The following MAPT variants were observed in gnomAD, a reference collection of about 807,000 sequenced individuals.
MAPT encodes the protein microtubule-associated protein tau.
MAPT carries 34 observed loss-of-function variants against 67.9 expected under a neutral mutation model. The ratio of observed to expected loss-of-function variants is 0.50; its 90% CI spans 0.38 to 0.67. The LOEUF (loss-of-function observed/expected upper bound fraction) is 0.67. Ranked by LOEUF, MAPT falls within the 30% of genes least tolerant of loss-of-function variation. The pLI, the probability that MAPT is intolerant of heterozygous loss-of-function variation, is 0.00. For missense variants in MAPT, 881 were observed against 1,115.2 expected (o/e 0.79, Z 2.99); for synonymous variants, 456 against 464.5 (o/e 0.98, Z 0.23).
chr17:46,009,360 T>TTGCAGGGACAG (rs1415176190), intron 9 of MAPT, among the ~76,000 whole-genome samples: 3 of 121,318 alleles, frequency 2.5e-5, no homozygotes, highest in Admixed American at 8.7e-5. Context: ...TTCTATTTCA[T>TTGCAGGGACAG]AGTTCTTAGG....
rs561624733 is a variant in MAPT at position 45,943,085 on chromosome 17, ACT to A, written c.-17-19233_-17-19232del. Among the ~76,000 whole-genome samples, 552 of 152,078 alleles carry A rather than the reference ACT, an allele frequency of 3.6e-3. 2 individuals are homozygous for A. Among genetic ancestry groups the A allele is most frequent in the African/African-American group, 0.013 (534 of 41,488 alleles). On this transcript the variant is annotated intron_variant, in intron 1 of 12. Coordinates refer to ENST00000262410, the MANE Select transcript of MAPT (RefSeq NM_001377265.1). ...TTCTCTTTTTTTGAGACAGAATCTC[ACT>A]CTGTCACCCTGGCTGGAGTGCAGTG...
In MAPT at chr17:45,965,934, C is replaced by T. The variant is rs186572934; in HGVS notation, c.133+3464C>T. 5.3e-5 allele frequency among the ~76,000 whole-genome samples: 8 copies of T among 152,302 alleles called. No individual in the cohort carries two copies. The East Asian group carries it at 1.5e-3, about 29-fold the overall frequency. On this transcript the variant is annotated intron_variant, in intron 2 of 12. Coordinates refer to ENST00000262410, the MANE Select transcript of MAPT (RefSeq NM_001377265.1). ...ATGACAAAGGAGCCTCATGCTCAGA[C>T]CGTGGGCTGCCAGAGCAGGTCCATG...
At chr17:46,009,074 C>T (rs1416071418) in intron 9 of MAPT, among the ~76,000 whole-genome samples, 1 of 152,162 alleles carries the variant, frequency 6.6e-6, no homozygotes, top group Non-Finnish European at 1.5e-5. Flanking sequence ...TGGCATGTGC[C>T]TGTGGTCCCA....
rs886053034 is a variant in MAPT at position 46,024,695 on chromosome 17, G to A, written c.*524G>A. ...AGTGTGACGGGGGTTGGGGTGGGGC[G>A]GGAGGCCACGGGGGAGGCCGAGGCA... is the stretch of plus-strand genomic sequence containing the variant. On this transcript the variant is annotated 3_prime_UTR_variant, in exon 13 of 13. Coordinates refer to ENST00000262410, the MANE Select transcript of MAPT (RefSeq NM_001377265.1). 4.0e-5 allele frequency: 8 copies of A among 201,818 alleles called. No homozygotes were observed. Among genetic ancestry groups the A allele is most frequent in the South Asian group, 8.3e-5 (1 of 12,028 alleles). The allele number at this position is 201,818 out of a possible 1,614,324, so 12.5% of individuals were successfully genotyped here.
intron 9 of MAPT, among the ~76,000 whole-genome samples, chr17:46,004,112 G>A (rs138617620): frequency 2.0e-5 from 3 of 152,314 alleles, no homozygotes; most frequent in African/African-American, 7.2e-5. Flanking sequence ...AGCCTGGTGA[G>A]GCAAAGCACA....
rs1246688547 is a variant in MAPT at position 46,027,841 on chromosome 17, C to T, written c.*3670C>T. ...GCCCACAATCATGCCTCCCTAAGAC[C>T]TTGGCATCCTTCCCTCTAAGCCGTT... On this transcript the variant is annotated 3_prime_UTR_variant, in exon 13 of 13. Transcript: ENST00000262410. 1.3e-5 allele frequency: 2 copies of T among 152,354 alleles called. No homozygotes were observed. Among genetic ancestry groups the T allele is most frequent in the Non-Finnish European group, 2.9e-5 (2 of 68,136 alleles). 9.4% of individuals were successfully genotyped at this position (152,354 alleles called of 1,614,324 possible).
chr17:45,899,574 T>A (rs1350758222), intron 1 of MAPT, among the ~76,000 whole-genome samples: 1 of 152,198 alleles, frequency 6.6e-6, no homozygotes, highest in Non-Finnish European at 1.5e-5. Flanking sequence ...TTCCCTCCCC[T>A]CTCAGCCACA....
At position 46,024,323 on chromosome 17, in the gene MAPT, G is replaced by A. The variant is rs1003127232; in HGVS notation, c.*152G>A. 4.2e-5 allele frequency: 31 copies of A among 737,828 alleles called. 1 individual carries two copies. Among genetic ancestry groups the A allele is most frequent in the Admixed American group, 3.3e-4 (16 of 48,124 alleles). The allele number at this position is 737,828 out of a possible 1,614,324, so 45.7% of individuals were successfully genotyped here. A position where few individuals can be genotyped will look rare whatever the true frequency, so the allele number is the denominator to read the frequency against. On this transcript the variant is annotated 3_prime_UTR_variant, in exon 13 of 13. Coordinates refer to ENST00000262410, the MANE Select transcript of MAPT (RefSeq NM_001377265.1). ...ATCACTTAACCTGCTTTTGTCACTCGGCTTTGGCTCGGGACTTCAAAATCA... is the reference window on the plus strand; with the variant it reads ...ATCACTTAACCTGCTTTTGTCACTCAGCTTTGGCTCGGGACTTCAAAATCA...
At chr17:45,938,123 T>TC (rs1397179813) in intron 1 of MAPT, among the ~76,000 whole-genome samples, 1 of 152,214 alleles carries the variant, frequency 6.6e-6, no homozygotes, top group African/African-American at 2.4e-5. Context: ...CTATAATAAA[T>TC]CATCAGAAAT....
chr17:45,986,945 G>A (rs1442568691), intron 5 of MAPT, 95 bp from the exon 6 acceptor site: 1 of 1,071,704 alleles, frequency 9.3e-7, no homozygotes, highest in Non-Finnish European at 1.4e-6. Context: ...AACAAACATG[G>A]ACCTATCCCA....
chr17:46,008,158 G>A (rs530154869), intron 9 of MAPT, among the ~76,000 whole-genome samples: 3 of 152,272 alleles, frequency 2.0e-5, no homozygotes, highest in East Asian at 1.9e-4. Context: ...GTTCAGTGGC[G>A]CCATCTCAGC....
intron 1 of MAPT, among the ~76,000 whole-genome samples, chr17:45,956,840 T>C (rs1230725856): frequency 2.0e-5 from 3 of 149,248 alleles, no homozygotes; most frequent in Non-Finnish European, 4.4e-5. Flanking sequence ...AGTGAGAACA[T>C]GCTGTGTTTG....
intron 1 of MAPT, among the ~76,000 whole-genome samples, chr17:45,955,765 T>A (rs1418808635): frequency 6.6e-6 from 1 of 151,912 alleles, no homozygotes; most frequent in African/African-American, 2.4e-5. Context: ...GAAAGGAGTC[T>A]CACTCTATTG....
Position 46,024,243 on chromosome 17 carries a change from A to C in MAPT, c.*72A>C. 7.4e-7 allele frequency: 1 copy of C among 1,358,646 alleles called. No homozygotes were observed. Among genetic ancestry groups the C allele is most frequent in the Non-Finnish European group, 1.0e-6 (1 of 964,722 alleles). The allele number at this position is 1,358,646 out of a possible 1,614,324, so 84.2% of individuals were successfully genotyped here. On this transcript the variant is annotated 3_prime_UTR_variant, in exon 13 of 13. Coordinates refer to ENST00000262410, the MANE Select transcript of MAPT (RefSeq NM_001377265.1). ...GAGTGTGGAAAAAAAAAGAATAATG[A>C]CCCGGCCCCCGCCCTCTGCCCCCAG...
intron 1 of MAPT, among the ~76,000 whole-genome samples, chr17:45,922,203 G>C (rs1033643180): frequency 2.0e-5 from 3 of 151,966 alleles, no homozygotes; most frequent in Admixed American, 2.0e-4. Flanking sequence ...AATAGAGACG[G>C]CCCGAAGTGC....
At chr17:46,012,753 G>GC (rs935315830) in intron 10 of MAPT, among the ~76,000 whole-genome samples, 3 of 145,908 alleles carry the variant, frequency 2.1e-5, no homozygotes, top group African/African-American at 7.7e-5. Flanking sequence ...CCCTGTCCCA[G>GC]CCCCCCTCCC....
At chr17:45,953,466 C>G (rs1190118374) in intron 1 of MAPT, among the ~76,000 whole-genome samples, 3 of 152,208 alleles carry the variant, frequency 2.0e-5, no homozygotes, top group Non-Finnish European at 4.4e-5. Context: ...ATTTCCTGTC[C>G]CAGGATCAGG....
At chr17:45,937,626 G>GAAAGA (rs1372606200) in intron 1 of MAPT, among the ~76,000 whole-genome samples, 1 of 144,142 alleles carries the variant, frequency 6.9e-6, no homozygotes, top group Admixed American at 7.0e-5. Context: ...GAGAGAGAGA[G>GAAAGA]AAAGAAAAGA....
At chr17:45,956,591 TATA>T (rs1568231065) in intron 1 of MAPT, among the ~76,000 whole-genome samples, 7 of 25,220 alleles carry the variant, frequency 2.8e-4, no homozygotes, top group African/African-American at 8.5e-4. Flanking sequence ...TATATATATA[TATA>T]TATATATTTT....
Sources: allele counts gnomAD v4.1 joint callset (sites outside exome capture counted in the v4.1 genomes callset), GRCh38; gene constraint gnomAD v4.1.1; transcripts MANE v1.5; gene names NCBI Gene and HGNC (gene_info 2026-07-23, HGNC 2026-07-21).